Variants in DNAH1 observed in about 807,000 individuals in gnomAD.
DNAH1 encodes the protein axonemal beta dynein heavy chain 1.
DNAH1 carries 327 observed loss-of-function variants against 484.3 expected under a neutral mutation model. The observed-to-expected ratio is 0.68, with a 90% CI of 0.62 to 0.74. DNAH1 has a LOEUF of 0.74. DNAH1 is among the 30% of genes least tolerant of loss of function. DNAH1 has a pLI of 0.00. For missense variants in DNAH1, 5,052 were observed against 5,546.8 expected, an observed-to-expected ratio of 0.91 and a Z score of 2.83; for synonymous variants, 2,192 against 2,191.9, an observed-to-expected ratio of 1.00 and a Z score of 0.00.
Position 52,332,146 on chromosome 3 carries a change from G to T in DNAH1, c.1038G>T (p.Arg346Ser). ...ILNAGVTTEG[R>S]PPLQVCQYWV... ...TCCCTCTCACCCGGCCCCCAGGAAGGCCACCCCTTCAGGTCTGTCAGTACT... is the reference window on the plus strand; with the variant it reads ...TCCCTCTCACCCGGCCCCCAGGAAGTCCACCCCTTCAGGTCTGTCAGTACT... Residue 346 changes from arginine (R) to serine (S), a missense_variant, in exon 8 of 78, where the codon AGG becomes AGT. By Grantham distance (110) the Arg-to-Ser change is moderately radical. Transcript: ENST00000420323. 1 of 1,554,940 alleles carries T rather than the reference G, an allele frequency of 6.4e-7. No individual in the cohort carries two copies. The highest frequency in any genetic ancestry group is 8.7e-7 in the Non-Finnish European group (1 of 1,147,310).
chr3:52,323,897 G>T lies in DNAH1; in HGVS notation c.406+17G>T. 1.9e-6 allele frequency: 3 copies of T among 1,560,464 alleles called. No individual in the cohort carries two copies. The highest frequency in any genetic ancestry group is 1.7e-6 in the Non-Finnish European group (2 of 1,150,980). On this transcript the variant is annotated intron_variant, in intron 3 of 77. Coordinates refer to ENST00000420323, the MANE Select transcript of DNAH1 (RefSeq NM_015512.5). The stretch of plus-strand genomic sequence containing the variant: ...CCCCAAGAGGTCAGTGCTCAGGAGG[G>T]CTGTGTGAGTGGGTCCCGGTAGGTA...
In DNAH1 at chr3:52,362,320, G is replaced by A; in HGVS notation, c.4981-68G>A. ...CAGGGGCATCAACAGGGGACAAGGG[G>A]CCCACTCAGAGGAGGGGACAAGGCT... is the stretch of plus-strand genomic sequence containing the variant. On this transcript the variant is annotated intron_variant, in intron 30 of 77. Transcript: ENST00000420323. The surrounding 1 kb of genome is among the most constrained non-coding windows in gnomAD (Gnocchi z 5.1). The A allele has an allele frequency of 1.5e-6, 2 of 1,345,560 alleles. No individual in the cohort carries two copies. Among genetic ancestry groups the A allele is most frequent in the Non-Finnish European group, 2.1e-6 (2 of 954,904 alleles). The allele number at this position is 1,345,560 out of a possible 1,614,324, so 83.4% of individuals were successfully genotyped here.
chr3:52,383,301 G>T, intron 50 of DNAH1, 85 bp from the exon 51 acceptor site: 1 of 1,217,852 alleles, frequency 8.2e-7, no homozygotes. Context: ...CTGTCAAATG[G>T]AGCTGTTGTG....
In DNAH1 at chr3:52,360,434, C is replaced by T; in HGVS notation, c.4685+10C>T. On this transcript the variant is annotated intron_variant, in intron 28 of 77. Transcript: ENST00000420323. ...CGCCCCTCACCGACAGGTAAGCGTT[C>T]CCCTCTTGCTCCTTCCCACACTGAG... 6.2e-7 allele frequency: 1 copy of T among 1,607,540 alleles called. No individual in the cohort carries two copies.
chr3:52,337,700 G>A (rs1016104493), intron 8 of DNAH1, among the ~76,000 whole-genome samples: 2 of 152,180 alleles, frequency 1.3e-5, no homozygotes, highest in Non-Finnish European at 2.9e-5. Flanking sequence ...AGGAAGGTCT[G>A]TACCGTTATT....
chr3:52,353,057 G>T lies in DNAH1; in HGVS notation c.3028-46G>T. ...GAAGGGGCAACATGGAGAGAGACTG[G>T]GAAGTGTCCCAAGACAGCCCCAGCC... On this transcript the variant is annotated intron_variant, in intron 18 of 77. Coordinates refer to ENST00000420323, the MANE Select transcript of DNAH1 (RefSeq NM_015512.5). This position sits in a 1 kb window ranked among gnomAD's most constrained non-coding sequence, Gnocchi z 5.0. 1 of 1,556,362 alleles carries T rather than the reference G, an allele frequency of 6.4e-7. No individual in the cohort carries two copies. Among genetic ancestry groups the T allele is most frequent in the Non-Finnish European group, 8.7e-7 (1 of 1,144,340 alleles).
chr3:52,317,638 G>A (rs917111945), intron 1 of DNAH1, among the ~76,000 whole-genome samples: 2 of 152,252 alleles, frequency 1.3e-5, no homozygotes. Context: ...GGGAAGATGG[G>A]TGGGTAATGG....
intron 8 of DNAH1, among the ~76,000 whole-genome samples, chr3:52,335,151 ATTT>A (rs35061562): frequency 6.2e-5 from 5 of 80,074 alleles, no homozygotes; most frequent in Admixed American, 1.4e-4. Flanking sequence ...GCAATGTGTG[ATTT>A]TTTTTTTTTT....
intron 48 of DNAH1, among the ~76,000 whole-genome samples, 158 bp downstream of exon 48, chr3:52,380,293 A>C (rs151277760): frequency 2.0e-5 from 3 of 152,266 alleles, no homozygotes; most frequent in East Asian, 3.9e-4. Context: ...GACTCCCGGC[A>C]TGCCCTTGCT....
rs764020185 is a variant in DNAH1, at chr3:52,383,882, G to C, written c.8173G>C (p.Ala2725Pro). The C allele has an allele frequency of 1.2e-6, 2 of 1,603,318 alleles. No individual in the cohort carries two copies. The highest frequency in any genetic ancestry group is 1.3e-5 in the African/African-American group (1 of 74,524). ...CMSPIGEVFR[A>P]RLRQFPSLVN... ...CAGCCCCATCGGAGAGGTCTTCCGA[G>C]CTCGTCTGAGGCAGTTTCCCTCCCT... Residue 2725 changes from alanine to proline, a missense_variant, in exon 52 of 78, where the codon GCT (alanine) becomes CCT (proline). Physicochemically the swap from Ala to Pro is conservative, Grantham distance 27 (BLOSUM62 -1). Around this residue, in one of 4 missense-constraint regions of DNAH1, gnomAD observed 2,929 missense variants for 3,409.4 expected, o/e 0.86. Transcript: ENST00000420323.
At position 52,392,692 on chromosome 3, in the gene DNAH1, C is replaced by T. The variant is rs760063063; in HGVS notation, c.10278+3C>T. The T allele has an allele frequency of 1.1e-5, 18 of 1,593,816 alleles. No individual in the cohort carries two copies. Among genetic ancestry groups the T allele is most frequent in the Non-Finnish European group, 1.5e-5 (18 of 1,170,178 alleles). The stretch of plus-strand genomic sequence containing the variant: ...AGATGAAGGCTGCTGAGATCCAGGT[C>T]AGCTGCTGCCTGCCCACCCACCTGC... On this transcript the variant is annotated splice_donor_region_variant and intron_variant, in intron 64 of 77. Transcript: ENST00000420323.
At chr3:52,332,544 C>T (rs1701596803) in intron 8 of DNAH1, 150 bp downstream of exon 8, 2 of 1,190,354 alleles carry the variant, frequency 1.7e-6, no homozygotes, top group Admixed American at 2.8e-5. Context: ...TTGTTGGGGC[C>T]TCAAACAATT....
At chr3:52,331,378 A>G (rs1701544448) in intron 7 of DNAH1, 69 bp downstream of exon 7, 2 of 1,515,806 alleles carry the variant, frequency 1.3e-6, no homozygotes, top group Non-Finnish European at 1.8e-6. Flanking sequence ...ACTGAGGCCA[A>G]CTCCGCCCAG....
At chr3:52,336,227 G>T (rs553405117) in intron 8 of DNAH1, among the ~76,000 whole-genome samples, 122 of 152,200 alleles carry the variant, frequency 8.0e-4, no homozygotes, top group African/African-American at 2.8e-3. Context: ...TTTCTTCTAG[G>T]ATTCTTATGG....
rs1438679627 is a variant in DNAH1 at position 52,378,681 on chromosome 3, G to A, written c.7278G>A (p.Gln2426=). Residue 2426 remains glutamine (Q), a synonymous_variant, in exon 47 of 78, where the codon CAG becomes CAA. Transcript: ENST00000420323. ...TGGTGTATGCAACCATCACCTCCCA[G>A]CTGCTGCCCACTCCAGCCAAGTCCC... The part of the protein sequence containing the change: ...TIMVYATITS[Q]LLPTPAKSHY... 1 of 1,613,820 alleles carries A rather than the reference G, an allele frequency of 6.2e-7. No homozygotes were observed. The highest frequency in any genetic ancestry group is 2.2e-5 in the East Asian group (1 of 44,876).
rs1168790778 is a variant in DNAH1, at chr3:52,326,911, A to G, written c.738+20A>G. The G allele has an allele frequency of 1.9e-6, 3 of 1,606,660 alleles. No homozygotes were observed. The highest frequency in any genetic ancestry group is 2.7e-5 in the African/African-American group (2 of 74,508). ...CTGAAGGTGAGCCGGGCTTCCACAG[A>G]TGGTTGAGAGACAGGGGCAGAAGTG... On this transcript the variant is annotated intron_variant, in intron 5 of 77. Coordinates refer to ENST00000420323, the MANE Select transcript of DNAH1 (RefSeq NM_015512.5).
Position 52,358,493 on chromosome 3 carries a change from C to A in DNAH1, c.4087-65C>A. 6.6e-7 allele frequency: 1 copy of A among 1,507,336 alleles called. No individual in the cohort carries two copies. The highest frequency in any genetic ancestry group is 8.9e-7 in the Non-Finnish European group (1 of 1,119,286). The allele number at this position is 1,507,336 out of a possible 1,614,324, so 93.4% of individuals were successfully genotyped here. A position where few individuals can be genotyped will look rare whatever the true frequency, so the allele number is the denominator to read the frequency against. Reference sequence around the variant, plus strand: ...GCACCGGGCAGGCTTAGCGCTGGGGCTGTGGTGGCCAGGGCATCTGGGCAC... The same window carrying A: ...GCACCGGGCAGGCTTAGCGCTGGGGATGTGGTGGCCAGGGCATCTGGGCAC... On this transcript the variant is annotated intron_variant, in intron 24 of 77. Transcript: ENST00000420323. The surrounding 1 kb of genome is among the most constrained non-coding windows in gnomAD (Gnocchi z 4.2).
At chr3:52,398,743 C>T in intron 75 of DNAH1, 107 bp from the exon 76 acceptor site, 1 of 982,612 alleles carries the variant, frequency 1.0e-6, no homozygotes, top group Non-Finnish European at 1.4e-6. Flanking sequence ...TGCTCTTAGC[C>T]TCTATGTTTT....
chr3:52,390,373 G>A (rs1704319105), intron 60 of DNAH1, among the ~76,000 whole-genome samples: 1 of 152,144 alleles, frequency 6.6e-6, no homozygotes, highest in Admixed American at 6.5e-5. Flanking sequence ...GCTGAGATGG[G>A]AGGATCACCT....
Sources: gnomAD v4.1 joint callset for allele counts (sites outside exome capture counted in the v4.1 genomes callset) on GRCh38, gnomAD v4.1.1 for gene constraint, gnomAD v4.1.1 regional missense constraint, Gnocchi (gnomAD v3.1) non-coding constraint, MANE v1.5 for transcripts, NCBI Gene and HGNC (gene_info 2026-07-23, HGNC 2026-07-21) for gene names.